The following PTPRU variants were observed in gnomAD, a reference collection of about 807,000 sequenced individuals.
PTPRU encodes protein tyrosine phosphatase receptor type U.
In PTPRU, 69 loss-of-function variants were observed where a neutral mutation model predicts 166.3. That is an observed-to-expected ratio of 0.41 (90% CI 0.34 to 0.51). PTPRU has a LOEUF of 0.51. PTPRU is among the 20% of genes least tolerant of loss of function. The pLI is 0.09. For synonymous variants in PTPRU, 793 were observed against 814.0 expected (o/e 0.97, Z 0.44); for missense variants, 1,657 against 2,013.7 (o/e 0.82, Z 3.39).
chr1:29,239,132 C>T (rs1453180278), intron 1 of PTPRU, among the ~76,000 whole-genome samples: 6 of 152,122 alleles, frequency 3.9e-5, no homozygotes, highest in Admixed American at 2.0e-4. Context: ...GGCAAATCAC[C>T]TCACTTGTAA....
rs1354079639 is a variant in PTPRU, at chr1:29,257,183, AGAAAGAT to A, written c.206-1320_206-1314del. Reference sequence around the variant, plus strand: ...AACAAAGTGTCAGATTGGAAGAGGGAGAAAGATGCACACAGCTGCTCGCAGGGAGAGG... The same window carrying A: ...AACAAAGTGTCAGATTGGAAGAGGGAGCACACAGCTGCTCGCAGGGAGAGG... On this transcript the variant is annotated intron_variant, in intron 2 of 29. Coordinates refer to ENST00000373779, the MANE Select transcript of PTPRU (RefSeq NM_133178.4). The surrounding 1 kb of genome is among the most constrained non-coding windows in gnomAD (Gnocchi z 4.6). 1.3e-5 allele frequency among the ~76,000 whole-genome samples: 2 copies of A among 151,386 alleles called. No individual in the cohort carries two copies. The highest frequency in any genetic ancestry group is 3.0e-5 in the Non-Finnish European group (2 of 67,784).
rs571001466 is a variant in PTPRU, at chr1:29,257,340, G to A, written c.206-1165G>A. On this transcript the variant is annotated intron_variant, in intron 2 of 29. Transcript: ENST00000373779. The surrounding 1 kb of genome is among the most constrained non-coding windows in gnomAD (Gnocchi z 4.6). ...CCCTGCTGGGACTGATCCAGGAGCC[G>A]CCTCCATAGGGCTTCTAGCTTACAG... Among the ~76,000 whole-genome samples the A allele has an allele frequency of 6.0e-4, 92 of 152,256 alleles. No individual in the cohort carries two copies. The highest frequency in any genetic ancestry group is 2.2e-3 in the African/African-American group (90 of 41,534).
chr1:29,308,757 C>T (rs942843065), intron 18 of PTPRU, among the ~76,000 whole-genome samples: 1 of 152,030 alleles, frequency 6.6e-6, no homozygotes, highest in African/African-American at 2.4e-5. Context: ...GGTGCAGTGG[C>T]TCACACCTGT....
intron 14 of PTPRU, among the ~76,000 whole-genome samples, chr1:29,287,022 C>T (rs2151955815): frequency 6.6e-6 from 1 of 152,224 alleles, no homozygotes; most frequent in Admixed American, 6.5e-5. Flanking sequence ...ATGCAGCAGC[C>T]CTGGCAGGGA....
chr1:29,261,590 C>T (rs1355184327), intron 7 of PTPRU, among the ~76,000 whole-genome samples: 2 of 152,120 alleles, frequency 1.3e-5, no homozygotes, highest in Admixed American at 6.5e-5. Context: ...AGCACAGTGG[C>T]GCGATCTTGG....
chr1:29,321,283 C>T (rs1012162143), intron 26 of PTPRU, among the ~76,000 whole-genome samples: 21 of 151,242 alleles, frequency 1.4e-4, no homozygotes, highest in African/African-American at 5.1e-4. Context: ...TCAAGTGATC[C>T]TCCCACCTTG....
chr1:29,319,614 A>T (rs747037482), intron 25 of PTPRU, among the ~76,000 whole-genome samples: 20 of 152,246 alleles, frequency 1.3e-4, no homozygotes, highest in Non-Finnish European at 2.2e-4. Flanking sequence ...GTTGTTAATC[A>T]GGAGCCTTCA....
intron 28 of PTPRU, 152 bp from the exon 29 acceptor site, chr1:29,325,039 C>G: frequency 9.3e-7 from 1 of 1,074,492 alleles, no homozygotes; most frequent in Non-Finnish European, 1.4e-6. Context: ...TAACTCCGCC[C>G]CTCACCTCTG....
intron 1 of PTPRU, among the ~76,000 whole-genome samples, chr1:29,243,664 G>A (rs1684155687): frequency 6.6e-6 from 1 of 152,230 alleles, no homozygotes; most frequent in African/African-American, 2.4e-5. Context: ...CTGACAATGT[G>A]CTGCGGTTTT....
At position 29,317,829 on chromosome 1, in the gene PTPRU, A is replaced by G; in HGVS notation, c.3595A>G (p.Ser1199Gly). Residue 1199 changes from serine (S) to glycine (G), a missense_variant, in exon 25 of 30, where the codon AGC becomes GGC. Coordinates refer to ENST00000373779, the MANE Select transcript of PTPRU (RefSeq NM_133178.4). The surrounding 1 kb of genome is among the most constrained non-coding windows in gnomAD (Gnocchi z 5.6). ...LLPRNRDKNR[S>G]MDVLPPDRCL... Reference sequence around the variant, plus strand: ...GCCCCGGAACCGCGACAAGAACCGCAGCATGGACGTCCTGCCGCCCGACCG... The same window carrying G: ...GCCCCGGAACCGCGACAAGAACCGCGGCATGGACGTCCTGCCGCCCGACCG... 6.2e-7 allele frequency: 1 copy of G among 1,613,864 alleles called. No individual in the cohort carries two copies.
In PTPRU at chr1:29,315,802, A is replaced by G. The variant is rs1687877346; in HGVS notation, c.3364-200A>G. Among the ~76,000 whole-genome samples, 1 of 152,098 alleles carries G rather than the reference A, an allele frequency of 6.6e-6. No individual in the cohort carries two copies. The highest frequency in any genetic ancestry group is 2.1e-4 in the South Asian group (1 of 4,828). On this transcript the variant is annotated intron_variant, in intron 23 of 29. Coordinates refer to ENST00000373779, the MANE Select transcript of PTPRU (RefSeq NM_133178.4). The surrounding 1 kb of genome is among the most constrained non-coding windows in gnomAD (Gnocchi z 4.5). ...CTCTCAGAGCACTCACAGAGTTGTT[A>G]TAGGGGGTAGGGATGAAATAGGAGA...
At position 29,323,761 on chromosome 1, in the gene PTPRU, G is replaced by A; in HGVS notation, c.4085G>A (p.Gly1362Glu). ...AEVDKWQAES[G>E]DGRTIVHCLN... ...GTGGACAAGTGGCAGGCCGAGAGTG[G>A]GGATGGGCGCACCATCGTGCACTGC... Residue 1362 changes from glycine (G) to glutamate (E), a missense_variant, in exon 28 of 30, where the codon GGG becomes GAG. Coordinates refer to ENST00000373779, the MANE Select transcript of PTPRU (RefSeq NM_133178.4). The A allele has an allele frequency of 6.2e-7, 1 of 1,614,128 alleles. No individual in the cohort carries two copies. The highest frequency in any genetic ancestry group is 1.6e-4 in the Middle Eastern group (1 of 6,062).
At chr1:29,316,251 G>A in intron 24 of PTPRU, 100 bp downstream of exon 24, 1 of 1,382,988 alleles carries the variant, frequency 7.2e-7, no homozygotes, top group South Asian at 1.4e-5. Context: ...CAAGAAGCAG[G>A]GACCAGCCTG....
At chr1:29,273,858 G>A (rs1257627405) in intron 7 of PTPRU, among the ~76,000 whole-genome samples, 1 of 152,150 alleles carries the variant, frequency 6.6e-6, no homozygotes, top group African/African-American at 2.4e-5. Context: ...TGGTGGTTAA[G>A]AGCATGGATT....
rs1326955726 is a variant in PTPRU at position 29,323,481 on chromosome 1, G to A, written c.3939G>A (p.Val1313=). Residue 1313 remains valine (V), a synonymous_variant, in exon 27 of 30, where the codon GTG becomes GTA. Coordinates refer to ENST00000373779, the MANE Select transcript of PTPRU (RefSeq NM_133178.4). ...ACTTAGTGGCTCGAGTCTTCCGGGTGCAGAACATCTCTCGGGTGAGTGGTC... is the reference window on the plus strand; with the variant it reads ...ACTTAGTGGCTCGAGTCTTCCGGGTACAGAACATCTCTCGGGTGAGTGGTC... The part of the protein sequence containing the change: ...DEDLVARVFR[V]QNISRLQEGH... 2 of 1,607,950 alleles carry A rather than the reference G, an allele frequency of 1.2e-6. No homozygotes were observed. Among genetic ancestry groups the A allele is most frequent in the Non-Finnish European group, 1.7e-6 (2 of 1,177,394 alleles).
At chr1:29,247,764 A>T (rs1476272000) in intron 1 of PTPRU, among the ~76,000 whole-genome samples, 17 of 152,038 alleles carry the variant, frequency 1.1e-4, no homozygotes, top group Admixed American at 1.1e-3. Flanking sequence ...GATCAGGGAG[A>T]TGGGGAGTGG....
rs745686767 is a variant in PTPRU at position 29,312,599 on chromosome 1, G to T, written c.3120G>T (p.Ala1040=). Residue 1040 remains alanine (A), a synonymous_variant, in exon 22 of 30, where the codon GCG becomes GCT. Transcript: ENST00000373779. ...RHEVRQFHFT[A]WPEHGVPYHA... ...AGGTCCGCCAGTTCCACTTCACAGC[G>T]TGGCCAGAGCATGGCGTCCCCTACC... 1 of 1,607,534 alleles carries T rather than the reference G, an allele frequency of 6.2e-7. No individual in the cohort carries two copies. The highest frequency in any genetic ancestry group is 1.7e-4 in the Middle Eastern group (1 of 6,048).
intron 7 of PTPRU, among the ~76,000 whole-genome samples, chr1:29,275,188 G>T (rs1402439190): frequency 2.0e-5 from 3 of 152,124 alleles, no homozygotes; most frequent in Non-Finnish European, 4.4e-5. Flanking sequence ...TGCAGTTGAG[G>T]AATCTAAGGA....
At chr1:29,302,697 G>A (rs560101209) in intron 15 of PTPRU, among the ~76,000 whole-genome samples, 1 of 151,880 alleles carries the variant, frequency 6.6e-6, no homozygotes, top group Non-Finnish European at 1.5e-5. Flanking sequence ...TTACAGGCTC[G>A]TGCCATCATA....
Sources: allele counts gnomAD v4.1 joint callset (sites outside exome capture counted in the v4.1 genomes callset), GRCh38; gene constraint gnomAD v4.1.1; non-coding constraint Gnocchi (gnomAD v3.1); transcripts MANE v1.5; gene names NCBI Gene and HGNC (gene_info 2026-07-23, HGNC 2026-07-21).